MPRIP: variants seen among roughly 807,000 people sequenced by gnomAD.
MPRIP encodes myosin phosphatase Rho-interacting protein.
Under a neutral mutation model 234.9 loss-of-function variants are expected in MPRIP, and 59 were observed. That is an observed-to-expected ratio of 0.25 (90% CI 0.20 to 0.31). The LOEUF (loss-of-function observed/expected upper bound fraction) is 0.31, where lower values mean the gene tolerates loss of function less well. MPRIP is among the 10% of genes least tolerant of loss of function. The pLI, the probability that MPRIP is intolerant of heterozygous loss-of-function variation, is 1.00. For synonymous variants in MPRIP, 1,144 were observed against 1,263.9 expected (o/e 0.91, Z 2.01); for missense variants, 2,436 against 3,071.0 (o/e 0.79, Z 4.89).
At chr17:17,108,635 T>C (rs990793480) in intron 3 of MPRIP, among the ~76,000 whole-genome samples, 1 of 149,346 alleles carries the variant, frequency 6.7e-6, no homozygotes, top group Admixed American at 6.6e-5. Context: ...GTCTCTAGCC[T>C]CTAGAGAGGT....
chr17:17,136,132 C>T, intron 5 of MPRIP, 87 bp from the exon 6 acceptor site: 1 of 1,446,602 alleles, frequency 6.9e-7, no homozygotes, highest in South Asian at 1.2e-5. Flanking sequence ...GCCCGGGTGC[C>T]CCCTATAGCT....
intron 6 of MPRIP, among the ~76,000 whole-genome samples, chr17:17,137,234 C>G (rs765076215): frequency 6.6e-6 from 1 of 152,146 alleles, no homozygotes; most frequent in Non-Finnish European, 1.5e-5. Flanking sequence ...ACTGAAGGGG[C>G]CGGGCATGGT....
chr17:17,187,293 G>A lies in MPRIP; in HGVS notation c.*2399G>A, dbSNP rs966479908. On this transcript the variant is annotated 3_prime_UTR_variant, in exon 24 of 24. Transcript: ENST00000651222. ...TGCAGCATGTGAGGGGTCAGAGACA[G>A]GCCAGCAGGGCGTCTGCATTCCTCC... 1.3e-5 allele frequency: 2 copies of A among 150,180 alleles called. No homozygotes were observed. The highest frequency in any genetic ancestry group is 5.0e-5 in the African/African-American group (2 of 40,352). The allele number at this position is 150,180 out of a possible 1,614,324, so 9.3% of individuals were successfully genotyped here.
At chr17:17,179,569 G>T (rs2046329870) in intron 22 of MPRIP, 1 of 156,382 alleles carries the variant, frequency 6.4e-6, no homozygotes, top group Non-Finnish European at 1.4e-5. Flanking sequence ...CTAAAGGACT[G>T]CTATCTGGGT....
intron 1 of MPRIP, among the ~76,000 whole-genome samples, chr17:17,056,298 T>C (rs1033013812): frequency 1.3e-5 from 2 of 152,224 alleles, no homozygotes; most frequent in African/African-American, 4.8e-5. Context: ...CCCCAGAAAT[T>C]TGTCCCCACG....
intron 1 of MPRIP, among the ~76,000 whole-genome samples, chr17:17,062,902 C>T (rs535270723): frequency 2.0e-5 from 3 of 152,324 alleles, no homozygotes; most frequent in South Asian, 2.1e-4. Context: ...TGCATGTGGC[C>T]GTGTGCTGCT....
rs1324914688 is a variant in MPRIP, at chr17:17,185,345, G to A, written c.*451G>A. 1 of 369,350 alleles carries A rather than the reference G, an allele frequency of 2.7e-6. No homozygotes were observed. Among genetic ancestry groups the A allele is most frequent in the Non-Finnish European group, 5.4e-6 (1 of 186,494 alleles). 22.9% of individuals were successfully genotyped at this position (369,350 alleles called of 1,614,324 possible). A position where few individuals can be genotyped will look rare whatever the true frequency, so the allele number is the denominator to read the frequency against. ...CTATGCGGACACTCCAGCTTGGCCT[G>A]GGTCACAGCACTGACTCCTCACCCG... On this transcript the variant is annotated 3_prime_UTR_variant, in exon 24 of 24. Coordinates refer to ENST00000651222, the MANE Select transcript of MPRIP (RefSeq NM_001364716.4).
At chr17:17,142,932 C>A (rs1265459484) in intron 8 of MPRIP, among the ~76,000 whole-genome samples, 167 bp downstream of exon 8, 1 of 152,170 alleles carries the variant, frequency 6.6e-6, no homozygotes, top group African/African-American at 2.4e-5. Context: ...CTGTCTCCTG[C>A]AGCTTCATAT....
intron 12 of MPRIP, among the ~76,000 whole-genome samples, chr17:17,150,948 C>T (rs1325903302): frequency 6.6e-6 from 1 of 151,834 alleles, no homozygotes; most frequent in Admixed American, 6.6e-5. Context: ...TAGACTCTAA[C>T]GATCCTTCTA....
intron 1 of MPRIP, among the ~76,000 whole-genome samples, chr17:17,057,272 C>T (rs1006344878): frequency 6.6e-6 from 1 of 152,232 alleles, no homozygotes; most frequent in African/African-American, 2.4e-5. Context: ...CCTCAAGAGT[C>T]GCACACATGA....
At chr17:17,104,166 T>G (rs1388815692) in intron 3 of MPRIP, among the ~76,000 whole-genome samples, 1 of 152,240 alleles carries the variant, frequency 6.6e-6, no homozygotes, top group Admixed American at 6.5e-5. Flanking sequence ...GGCCTCATGC[T>G]TACCTCCATT....
intron 1 of MPRIP, 39 bp from the exon 2 acceptor site, chr17:17,075,671 G>A: frequency 6.4e-7 from 1 of 1,571,848 alleles, no homozygotes. Context: ...CTTCTGGGTT[G>A]AAGGCTGCTG....
chr17:17,088,061 C>G (rs1435645045), intron 3 of MPRIP, among the ~76,000 whole-genome samples: 1 of 152,230 alleles, frequency 6.6e-6, no homozygotes, highest in East Asian at 1.9e-4. Context: ...CTGCTGGCCA[C>G]CCACAATTGA....
intron 3 of MPRIP, among the ~76,000 whole-genome samples, chr17:17,108,874 A>C (rs2090114382): frequency 1.3e-5 from 2 of 152,232 alleles, no homozygotes; most frequent in Admixed American, 6.5e-5. Context: ...AGGCTCAGGC[A>C]GACTTGGAGA....
At chr17:17,107,747 G>A (rs972817037) in intron 3 of MPRIP, among the ~76,000 whole-genome samples, 2 of 152,218 alleles carry the variant, frequency 1.3e-5, no homozygotes, top group Admixed American at 6.5e-5. Flanking sequence ...CATTGAGCTC[G>A]TTCTTGAGTT....
chr17:17,130,246 C>T (rs1015650938), intron 4 of MPRIP, among the ~76,000 whole-genome samples: 3 of 152,250 alleles, frequency 2.0e-5, no homozygotes, highest in South Asian at 2.1e-4. Flanking sequence ...TGGCCTCTGC[C>T]GCCACCACCT....
intron 1 of MPRIP, among the ~76,000 whole-genome samples, chr17:17,044,752 T>C (rs2088291461): frequency 6.6e-6 from 1 of 152,204 alleles, no homozygotes; most frequent in Non-Finnish European, 1.5e-5. Context: ...TTTTTTTTAA[T>C]CTGTTGATTA....
chr17:17,125,180 A>G (rs975054093), intron 3 of MPRIP, among the ~76,000 whole-genome samples: 1 of 152,198 alleles, frequency 6.6e-6, no homozygotes, highest in Non-Finnish European at 1.5e-5. Flanking sequence ...CACTCCACTG[A>G]TGGAGAGCAC....
chr17:17,076,789 C>G (rs1487177550), intron 2 of MPRIP, among the ~76,000 whole-genome samples: 1 of 152,114 alleles, frequency 6.6e-6, no homozygotes, highest in Non-Finnish European at 1.5e-5. Flanking sequence ...TATTTTATAT[C>G]AAGGTTGTAC....
Sources: gnomAD v4.1 joint callset for allele counts (sites outside exome capture counted in the v4.1 genomes callset) on GRCh38, gnomAD v4.1.1 for gene constraint, MANE v1.5 for transcripts, NCBI Gene and HGNC (gene_info 2026-07-23, HGNC 2026-07-21) for gene names.